MAF: variants seen among roughly 807,000 people sequenced by gnomAD.
The protein encoded by MAF is transcription factor Maf.
A neutral mutation model predicts 22.0 loss-of-function variants in MAF; 10 were observed. The ratio of observed to expected loss-of-function variants is 0.45; its 90% confidence interval spans 0.28 to 0.77. The LOEUF is 0.77. MAF is among the 30% of genes least tolerant of loss of function. MAF has a pLI of 0.12. For synonymous variants in MAF, 337 were observed against 255.8 expected (o/e 1.32, Z -3.03); for missense variants, 544 against 548.4 (o/e 0.99, Z 0.08).
At chr16:79,370,980 C>G in the MAF span, among the ~76,000 whole-genome samples, 2 of 152,210 alleles carry the variant, frequency 1.3e-5, no homozygotes. Context: ...AAAGAACCAC[C>G]ATTTTATTGT....
the MAF span, among the ~76,000 whole-genome samples, chr16:79,523,456 A>T: frequency 1.8e-4 from 27 of 152,364 alleles, no homozygotes; most frequent in South Asian, 4.1e-4. Context: ...TTTCATAACA[A>T]TCTATAAGCG....
chr16:79,209,343 G>A, the MAF span, among the ~76,000 whole-genome samples: 4 of 152,080 alleles, frequency 2.6e-5, no homozygotes, highest in Admixed American at 2.6e-4. Context: ...GTGCAACGTG[G>A]TATCATTACA....
the MAF span, among the ~76,000 whole-genome samples, chr16:79,426,828 C>T: frequency 7.2e-5 from 11 of 152,270 alleles, no homozygotes; most frequent in East Asian, 5.8e-4. Flanking sequence ...GGCGTGAGCC[C>T]GGAGTGCTGG....
At chr16:79,216,807 GCTA>G in the MAF span, among the ~76,000 whole-genome samples, 2 of 150,558 alleles carry the variant, frequency 1.3e-5, no homozygotes, top group African/African-American at 2.5e-5. Flanking sequence ...TACTCTATCT[GCTA>G]CTTTTTTTTT....
At chr16:79,583,433 C>T (rs1317544572), downstream of MAF, among the ~76,000 whole-genome samples, 2 of 152,124 alleles carry the variant, frequency 1.3e-5, no homozygotes, top group African/African-American at 2.4e-5. Context: ...CAGTTTCTCC[C>T]TTAGGTGACA....
At chr16:79,412,096 T>C in the MAF span, among the ~76,000 whole-genome samples, 2 of 152,328 alleles carry the variant, frequency 1.3e-5, no homozygotes, top group East Asian at 1.9e-4. Context: ...GATTGAAATA[T>C]ATGAGGATAG....
the MAF span, among the ~76,000 whole-genome samples, chr16:79,338,781 C>T: frequency 2.0e-5 from 3 of 152,152 alleles, no homozygotes; most frequent in African/African-American, 7.2e-5. Flanking sequence ...CAGTTGCTTA[C>T]CCCATCCGAG....
chr16:79,337,099 A>T, the MAF span, among the ~76,000 whole-genome samples: 14 of 152,206 alleles, frequency 9.2e-5, no homozygotes, highest in African/African-American at 2.7e-4. Flanking sequence ...TTGTGCAATA[A>T]GGGCTAAGGA....
At chr16:79,395,698 A>G in the MAF span, among the ~76,000 whole-genome samples, 1 of 152,196 alleles carries the variant, frequency 6.6e-6, no homozygotes, top group Admixed American at 6.5e-5. Flanking sequence ...CCAAAAAGCA[A>G]CAAACTCAGC....
At chr16:79,432,659 A>C in the MAF span, among the ~76,000 whole-genome samples, 1 of 152,088 alleles carries the variant, frequency 6.6e-6, no homozygotes, top group Non-Finnish European at 1.5e-5. Context: ...TCACTTGTGG[A>C]AGTAGTTAAG....
the MAF span, among the ~76,000 whole-genome samples, chr16:79,497,320 C>T: frequency 6.6e-6 from 1 of 152,136 alleles, no homozygotes; most frequent in Admixed American, 6.5e-5. Context: ...TAGAAGGCAC[C>T]CTTTTTTACC....
chr16:79,301,944 T>A, the MAF span, among the ~76,000 whole-genome samples: 1 of 152,224 alleles, frequency 6.6e-6, no homozygotes, highest in Non-Finnish European at 1.5e-5. Context: ...GAGCACAACG[T>A]TGAGAGCTGC....
chr16:79,428,317 C>A, the MAF span, among the ~76,000 whole-genome samples: 1 of 152,080 alleles, frequency 6.6e-6, no homozygotes, highest in Non-Finnish European at 1.5e-5. Flanking sequence ...CTGAGTCTCA[C>A]CCCTGGGGGT....
At chr16:79,592,966 C>G (rs149093373), downstream of MAF, among the ~76,000 whole-genome samples, 1 of 152,318 alleles carries the variant, frequency 6.6e-6, no homozygotes, top group Admixed American at 6.5e-5. Flanking sequence ...CTAAGAAGAG[C>G]TTGGTTGTGT....
At chr16:79,479,204 T>A in the MAF span, among the ~76,000 whole-genome samples, 1 of 152,158 alleles carries the variant, frequency 6.6e-6, no homozygotes, top group Non-Finnish European at 1.5e-5. Context: ...CATACCTATA[T>A]CATATCTTAG....
chr16:79,441,368 G>C, the MAF span, among the ~76,000 whole-genome samples: 2 of 152,200 alleles, frequency 1.3e-5, no homozygotes, highest in African/African-American at 2.4e-5. Flanking sequence ...TAGAACAGGG[G>C]TTATAAACTT....
At chr16:79,285,946 G>T in the MAF span, among the ~76,000 whole-genome samples, 3 of 152,026 alleles carry the variant, frequency 2.0e-5, no homozygotes, top group Non-Finnish European at 2.9e-5. Flanking sequence ...CCCATATTTA[G>T]GGACGATGAC....
chr16:79,564,771 C>A, the MAF span, among the ~76,000 whole-genome samples: 1 of 152,280 alleles, frequency 6.6e-6, no homozygotes, highest in South Asian at 2.1e-4. Context: ...CTTGACCAGT[C>A]CAAACCTGTA....
At chr16:79,337,744 C>A in the MAF span, among the ~76,000 whole-genome samples, 4 of 152,184 alleles carry the variant, frequency 2.6e-5, no homozygotes, top group Non-Finnish European at 5.9e-5. Context: ...CACCTTATCT[C>A]TTTCTCAGCA....
Sources: allele counts gnomAD v4.1 joint callset (sites outside exome capture counted in the v4.1 genomes callset), GRCh38; gene constraint gnomAD v4.1.1; transcripts MANE v1.5; gene names NCBI Gene and HGNC (gene_info 2026-07-23, HGNC 2026-07-21).